Variants in SENP6 observed in about 807,000 individuals in gnomAD.
SENP6 encodes SUMO specific peptidase 6.
A neutral mutation model predicts 134.5 loss-of-function variants in SENP6; 41 were observed. The observed-to-expected ratio is 0.30, with a 90% CI of 0.24 to 0.40. The LOEUF (loss-of-function observed/expected upper bound fraction) is 0.40, where lower values mean the gene tolerates loss of function less well. Ranked by LOEUF, SENP6 falls within the 10% of genes least tolerant of loss-of-function variation. SENP6 has a pLI of 1.00. For synonymous variants in SENP6, 395 were observed against 429.8 expected, an observed-to-expected ratio of 0.92 and a Z score of 1.00; for missense variants, 1,248 against 1,312.5, an observed-to-expected ratio of 0.95 and a Z score of 0.76.
intron 5 of SENP6, among the ~76,000 whole-genome samples, chr6:75,638,555 AGTGTGTGT>A (rs59936116): frequency 6.8e-4 from 18 of 26,324 alleles, no homozygotes; most frequent in South Asian, 4.7e-3. Flanking sequence ...TTGTGTGTGT[AGTGTGTGT>A]GTGTGTGTGT....
intron 11 of SENP6, 39 bp from the exon 12 acceptor site, chr6:75,675,396 T>C: frequency 1.7e-6 from 2 of 1,187,182 alleles, no homozygotes; most frequent in Admixed American, 2.4e-5. Context: ...TGCCTTTCTT[T>C]GTAAGTCTAG....
At chr6:75,709,719 C>T (rs1399188817) in intron 20 of SENP6, 89 bp downstream of exon 20, 1 of 846,706 alleles carries the variant, frequency 1.2e-6, no homozygotes, top group Non-Finnish European at 1.9e-6. Flanking sequence ...CCTGTAGTCC[C>T]AGTGACTTGG....
Position 75,715,804 on chromosome 6 carries a change from TA to T in SENP6, c.*211del. 2.9e-6 allele frequency: 1 copy of T among 342,670 alleles called. No homozygotes were observed. The highest frequency in any genetic ancestry group is 5.2e-6 in the Non-Finnish European group (1 of 191,328). The allele number at this position is 342,670 out of a possible 1,614,324, so 21.2% of individuals were successfully genotyped here. On this transcript the variant is annotated 3_prime_UTR_variant, in exon 24 of 24. Coordinates refer to ENST00000447266, the MANE Select transcript of SENP6 (RefSeq NM_015571.4). ...GGCCAATTTTTCCAGCATTTATAAT[TA>T]TTTTTTTCACTTGTTAGGAAGCTTT...
At chr6:75,610,835 A>G (rs927595439) in intron 1 of SENP6, 5 of 152,216 alleles carry the variant, frequency 3.3e-5, no homozygotes, top group East Asian at 3.8e-4. Context: ...AGGAGTTGCT[A>G]TATCAAATAC....
At chr6:75,627,394 C>G (rs1219915303) in intron 3 of SENP6, among the ~76,000 whole-genome samples, 1 of 152,016 alleles carries the variant, frequency 6.6e-6, no homozygotes, top group Non-Finnish European at 1.5e-5. Flanking sequence ...ATCTGGATTT[C>G]CTGAAGTGCT....
intron 9 of SENP6, among the ~76,000 whole-genome samples, chr6:75,665,298 A>C (rs1772117394): frequency 6.6e-6 from 1 of 152,116 alleles, no homozygotes; most frequent in South Asian, 2.1e-4. Flanking sequence ...AAAAAAAAAA[A>C]AAAGTGATAT....
At chr6:75,614,939 G>A (rs1157327693) in intron 1 of SENP6, among the ~76,000 whole-genome samples, 2 of 152,158 alleles carry the variant, frequency 1.3e-5, no homozygotes, top group Non-Finnish European at 2.9e-5. Context: ...CCAGGCTGGA[G>A]TGCAGTGGTG....
intron 20 of SENP6, among the ~76,000 whole-genome samples, 172 bp from the exon 21 acceptor site, chr6:75,711,156 T>C (rs144146954): frequency 2.0e-5 from 3 of 152,324 alleles, no homozygotes; most frequent in Non-Finnish European, 4.4e-5. Flanking sequence ...TGTTGTAGCA[T>C]TGGATAATTG....
At chr6:75,669,878 G>A (rs1265979784) in intron 10 of SENP6, among the ~76,000 whole-genome samples, 1 of 151,946 alleles carries the variant, frequency 6.6e-6, no homozygotes, top group Admixed American at 6.6e-5. Flanking sequence ...CTCTTACTCT[G>A]CATATTTTAG....
chr6:75,606,943 G>C (rs190269166), intron 1 of SENP6, among the ~76,000 whole-genome samples: 1 of 152,294 alleles, frequency 6.6e-6, no homozygotes, highest in African/African-American at 2.4e-5. Context: ...TAGGTAGAGA[G>C]AGTAAAATAG....
chr6:75,653,662 T>TG (rs889057822), intron 7 of SENP6, among the ~76,000 whole-genome samples: 36 of 144,106 alleles, frequency 2.5e-4, no homozygotes, highest in Non-Finnish European at 4.5e-4. Context: ...AATGTTGTGT[T>TG]TTTTTTTTTT....
At chr6:75,664,463 T>A (rs1036264836) in intron 9 of SENP6, among the ~76,000 whole-genome samples, 5 of 152,048 alleles carry the variant, frequency 3.3e-5, no homozygotes, top group African/African-American at 1.2e-4. Context: ...TACCATTTGT[T>A]CTTGCAACGA....
intron 19 of SENP6, 111 bp from the exon 20 acceptor site, chr6:75,709,416 G>A (rs150530350): frequency 2.9e-5 from 18 of 626,422 alleles, no homozygotes; most frequent in Admixed American, 8.7e-5. Context: ...GGCAGATTTT[G>A]TGTTCTTGAC....
chr6:75,660,422 A>T lies in SENP6; in HGVS notation c.696+1015A>T, dbSNP rs1022828092. 5.9e-5 allele frequency among the ~76,000 whole-genome samples: 9 copies of T among 152,174 alleles called. No individual in the cohort carries two copies. In the East Asian group the frequency reaches 1.7e-3, roughly 29 times the overall value. ...TATATTCATTTATATCAGCATGTAC[A>T]TATGAATACTTTACTTAAAAGGGTT... is the stretch of plus-strand genomic sequence containing the variant. On this transcript the variant is annotated intron_variant, in intron 8 of 23. Coordinates refer to ENST00000447266, the MANE Select transcript of SENP6 (RefSeq NM_015571.4).
At chr6:75,709,216 A>G (rs1775603662) in intron 19 of SENP6, among the ~76,000 whole-genome samples, 1 of 152,166 alleles carries the variant, frequency 6.6e-6, no homozygotes, top group Admixed American at 6.5e-5. Flanking sequence ...CCTAACACAA[A>G]AGTACTTATT....
At chr6:75,613,299 G>A (rs977261996) in intron 1 of SENP6, among the ~76,000 whole-genome samples, 5 of 152,018 alleles carry the variant, frequency 3.3e-5, no homozygotes, top group Non-Finnish European at 1.5e-5. Flanking sequence ...CTTAAATAAA[G>A]TTTTATTGCA....
intron 4 of SENP6, 133 bp from the exon 5 acceptor site, chr6:75,634,574 G>T (rs1475935644): frequency 9.3e-6 from 5 of 535,756 alleles, no homozygotes; most frequent in Non-Finnish European, 1.3e-5. Flanking sequence ...AAGACAATTG[G>T]GTTTATCCAT....
rs934755213 is a variant in SENP6, at chr6:75,650,809, C to G, written c.550+3008C>G. 1.5e-4 allele frequency among the ~76,000 whole-genome samples: 23 copies of G among 152,104 alleles called. 1 individual carries two copies. The highest frequency in any genetic ancestry group is 4.1e-4 in the African/African-American group (17 of 41,422). Reference sequence around the variant, plus strand: ...ATTTCAAGATTTCCTTTGGAGATAACTTTTAAAACATTGAGATTTCAAACC... The same window carrying G: ...ATTTCAAGATTTCCTTTGGAGATAAGTTTTAAAACATTGAGATTTCAAACC... On this transcript the variant is annotated intron_variant, in intron 7 of 23. Transcript: ENST00000447266.
rs1341562810 is a variant in SENP6 at position 75,702,702 on chromosome 6, A to C, written c.2346A>C (p.Glu782Asp). ...CCGGTTTGGAAAAACCAAAGTATGA[A>C]CCTAATCCTCATTACCATGAAAATG... ...CFPGLEKPKY[E>D]PNPHYHENAV... is the part of the protein sequence containing the mutation. The change falls in exon 19 of 24, where the codon GAA (glutamate) becomes GAC (aspartate). Residue 782 changes from glutamate to aspartate, a missense_variant. Glu to Asp is a conservative substitution (Grantham distance 45, BLOSUM62 2). This residue lies in a region of SENP6 where 386 missense variants were observed against 395.0 expected (regional missense o/e 0.98). Transcript: ENST00000447266. 6.2e-7 allele frequency: 1 copy of C among 1,613,272 alleles called. No homozygotes were observed. Among genetic ancestry groups the C allele is most frequent in the South Asian group, 1.1e-5 (1 of 90,840 alleles).
Sources: allele counts gnomAD v4.1 joint callset (sites outside exome capture counted in the v4.1 genomes callset), GRCh38; gene constraint gnomAD v4.1.1; regional missense constraint gnomAD v4.1.1; transcripts MANE v1.5; gene names NCBI Gene and HGNC (gene_info 2026-07-23, HGNC 2026-07-21).